Variants in SSH2 observed in about 807,000 individuals in gnomAD.
SSH2 encodes the protein protein phosphatase Slingshot homolog 2.
SSH2 carries 37 observed loss-of-function variants against 135.2 expected under a neutral mutation model. The observed-to-expected ratio is 0.27, with a 90% confidence interval of 0.21 to 0.36. The LOEUF (loss-of-function observed/expected upper bound fraction) is 0.36, where lower values mean the gene tolerates loss of function less well. SSH2 is among the 10% of genes least tolerant of loss of function. The pLI is 1.00. For missense variants in SSH2, 1,408 were observed against 1,765.3 expected, an observed-to-expected ratio of 0.80 and a Z score of 3.63; for synonymous variants, 628 against 646.2, an observed-to-expected ratio of 0.97 and a Z score of 0.43.
intron 11 of SSH2, among the ~76,000 whole-genome samples, chr17:29,660,072 C>T (rs1244254395): frequency 6.6e-6 from 1 of 151,970 alleles, no homozygotes; most frequent in Non-Finnish European, 1.5e-5. Context: ...TCGTGATCTG[C>T]CTGCCTTGGC....
Position 29,913,347 on chromosome 17 carries a change from A to AAAAAAAAAAAAAAAATTATAT in SSH2, c.63+16590_63+16591insATATAATTTTTTTTTTTTTTT. On this transcript the variant is annotated intron_variant, in intron 1 of 15. Transcript: ENST00000540801. The stretch of plus-strand genomic sequence containing the variant: ...AAAAAAAAAAAAAAAAAAAAAAAAA[A>AAAAAAAAAAAAAAAATTATAT]ATATATATATATATATATATATATA... 1.4e-4 allele frequency among the ~76,000 whole-genome samples: 4 copies of AAAAAAAAAAAAAAAATTATAT among 28,786 alleles called. 1 individual carries two copies. The highest frequency in any genetic ancestry group is 2.4e-4 in the Non-Finnish European group (4 of 16,996). 18.9% of individuals were successfully genotyped at this position (28,786 alleles called of 152,430 possible).
intron 3 of SSH2, among the ~76,000 whole-genome samples, chr17:29,789,523 C>T (rs1178938388): frequency 6.6e-6 from 1 of 152,168 alleles, no homozygotes; most frequent in Non-Finnish European, 1.5e-5. Context: ...AAGGATCCCC[C>T]CAAAGGCAAT....
intron 2 of SSH2, among the ~76,000 whole-genome samples, chr17:29,804,833 C>G (rs963986416): frequency 1.4e-4 from 21 of 148,810 alleles, no homozygotes; most frequent in African/African-American, 5.2e-4. Flanking sequence ...GTGCATACCA[C>G]CACATCTGGC....
At chr17:29,876,632 C>T (rs1393049068) in intron 1 of SSH2, among the ~76,000 whole-genome samples, 3 of 151,758 alleles carry the variant, frequency 2.0e-5, no homozygotes, top group Non-Finnish European at 4.4e-5. Context: ...AAGACAGTCT[C>T]TTCAAAAAGT....
intron 2 of SSH2, among the ~76,000 whole-genome samples, chr17:29,816,325 C>T (rs764377390): frequency 6.6e-6 from 1 of 152,134 alleles, no homozygotes; most frequent in Middle Eastern, 3.2e-3. Context: ...GAGATATATT[C>T]ATTTACATAA....
intron 3 of SSH2, among the ~76,000 whole-genome samples, chr17:29,738,216 T>C (rs2040435096): frequency 6.6e-6 from 1 of 152,188 alleles, no homozygotes; most frequent in African/African-American, 2.4e-5. Flanking sequence ...CTCAGAATGA[T>C]GGTTTCCAGC....
At chr17:29,891,039 C>A (rs929499466) in intron 1 of SSH2, among the ~76,000 whole-genome samples, 2 of 152,128 alleles carry the variant, frequency 1.3e-5, no homozygotes, top group African/African-American at 4.8e-5. Context: ...CAGGTGTGAG[C>A]CACCACGCCC....
chr17:29,655,458 C>G, intron 12 of SSH2, 103 bp downstream of exon 12: 1 of 1,086,176 alleles, frequency 9.2e-7, no homozygotes, highest in East Asian at 2.4e-5. Flanking sequence ...AGATGCAACT[C>G]TTAAGATTAA....
intron 4 of SSH2, among the ~76,000 whole-genome samples, chr17:29,698,853 A>G (rs972442849): frequency 1.3e-5 from 2 of 152,158 alleles, no homozygotes; most frequent in African/African-American, 4.8e-5. Context: ...AACCAGAGGA[A>G]AGGATTTTTA....
chr17:29,851,698 CAAA>C (rs904964347), intron 1 of SSH2, among the ~76,000 whole-genome samples: 1 of 149,414 alleles, frequency 6.7e-6, no homozygotes, highest in Non-Finnish European at 1.5e-5. Context: ...ATCTTCATGA[CAAA>C]AAAAAAATAA....
At position 29,632,488 on chromosome 17, in the gene SSH2, C is replaced by T. The variant is rs1159592912; in HGVS notation, c.2706G>A (p.Glu902=). 1 of 1,614,232 alleles carries T rather than the reference C, an allele frequency of 6.2e-7. No homozygotes were observed. Among genetic ancestry groups the T allele is most frequent in the Admixed American group, 1.7e-5 (1 of 60,026 alleles). Residue 902 remains glutamate (E), a synonymous_variant, in exon 16 of 16, where the codon GAG becomes GAA. Coordinates refer to ENST00000540801, the MANE Select transcript of SSH2 (RefSeq NM_001282129.2). The part of the protein sequence containing the change: ...SVRRATLEFE[E]RLRQEQEHHG... ...GATGCTCTTGCTCCTGCCGTAAGCG[C>T]TCTTCGAACTCCAAGGTGGCTCGCC...
In SSH2 at chr17:29,684,557, C is replaced by A; in HGVS notation, c.479+6G>T. 1 of 1,609,632 alleles carries A rather than the reference C, an allele frequency of 6.2e-7. No homozygotes were observed. The highest frequency in any genetic ancestry group is 1.1e-5 in the South Asian group (1 of 90,726). The stretch of plus-strand genomic sequence containing the variant: ...GTTTTCACATTTTGAAATGGTACCA[C>A]CATACCTGTCATTAGAGGAGAAATC... On this transcript the variant is annotated splice_donor_region_variant and intron_variant, in intron 6 of 15. Transcript: ENST00000540801.
chr17:29,917,832 G>A (rs542981901), intron 1 of SSH2, among the ~76,000 whole-genome samples: 1 of 152,116 alleles, frequency 6.6e-6, no homozygotes, highest in East Asian at 1.9e-4. Flanking sequence ...TCCAGCCTGG[G>A]CGACAGAGCA....
At position 29,928,227 on chromosome 17, in the gene SSH2, T is replaced by G. The variant is rs1406757243; in HGVS notation, c.63+1711A>C. 3 of 249,828 alleles carry G rather than the reference T, an allele frequency of 1.2e-5. No homozygotes were observed. The Admixed American group carries it at 1.6e-4, about 14-fold the overall frequency. 15.5% of individuals were successfully genotyped at this position (249,828 alleles called of 1,614,324 possible). A position where few individuals can be genotyped will look rare whatever the true frequency, so the allele number is the denominator to read the frequency against. ...TACTAGTGGAGTGAATTAAGAAGGT[T>G]TGATGGTATGTTAATGACTTTCCAA... On this transcript the variant is annotated intron_variant, in intron 1 of 15. Transcript: ENST00000540801.
chr17:29,742,481 GT>G (rs35446491), intron 3 of SSH2, among the ~76,000 whole-genome samples: 8 of 90,652 alleles, frequency 8.8e-5, no homozygotes, highest in African/African-American at 3.8e-4. Flanking sequence ...ACCACACCCA[GT>G]TTTTTTTTTT....
intron 3 of SSH2, among the ~76,000 whole-genome samples, chr17:29,709,052 A>AGAGAGAGAGAGAGAGAGCGCGC (rs1491229455): frequency 6.9e-6 from 1 of 144,600 alleles, no homozygotes; most frequent in African/African-American, 2.6e-5. Flanking sequence ...AGAGAGAGAG[A>AGAGAGAGAGAGAGAGAGCGCGC]GCTAATAATA....
At chr17:29,667,330 C>G (rs906303139) in intron 9 of SSH2, 107 bp from the exon 10 acceptor site, 1 of 884,278 alleles carries the variant, frequency 1.1e-6, no homozygotes, top group African/African-American at 1.7e-5. Flanking sequence ...TAAGGCAAAT[C>G]CTTTTCCAAA....
intron 1 of SSH2, among the ~76,000 whole-genome samples, chr17:29,915,730 G>A (rs957667608): frequency 3.3e-5 from 5 of 151,546 alleles, no homozygotes; most frequent in African/African-American, 9.7e-5. Flanking sequence ...AAACACAAAA[G>A]ACTTTGCTGT....
chr17:29,760,422 C>T (rs879625211), intron 3 of SSH2, among the ~76,000 whole-genome samples: 2 of 152,130 alleles, frequency 1.3e-5, no homozygotes, highest in African/African-American at 2.4e-5. Context: ...AAAAGTTCCT[C>T]TACTTGATAA....
Sources: allele counts gnomAD v4.1 joint callset (sites outside exome capture counted in the v4.1 genomes callset), GRCh38; gene constraint gnomAD v4.1.1; transcripts MANE v1.5; gene names NCBI Gene and HGNC (gene_info 2026-07-23, HGNC 2026-07-21).